The following NBEA variants were observed in gnomAD, a reference collection of about 807,000 sequenced individuals.
NBEA encodes the protein neurobeachin, also known as lysosomal-trafficking regulator 2.
A neutral mutation model predicts 343.4 loss-of-function variants in NBEA; 44 were observed. The observed-to-expected ratio is 0.13, with a 90% CI of 0.10 to 0.16. NBEA has a LOEUF of 0.16. Among genes scored for constraint, NBEA ranks in the 10% least tolerant of loss-of-function variants. The pLI is 1.00. For missense variants in NBEA, 2,555 were observed against 3,631.3 expected (o/e 0.70, Z 7.62); for synonymous variants, 1,175 against 1,238.7 (o/e 0.95, Z 1.08).
intron 24 of NBEA, among the ~76,000 whole-genome samples, chr13:35,165,707 C>A (rs2069963156): frequency 7.2e-6 from 1 of 139,654 alleles, no homozygotes; most frequent in Non-Finnish European, 1.5e-5. Context: ...TTTTTTTTGA[C>A]AGAGTATCAT....
At chr13:35,467,245 G>A (rs766886462) in intron 40 of NBEA, among the ~76,000 whole-genome samples, 5 of 152,074 alleles carry the variant, frequency 3.3e-5, no homozygotes, top group Non-Finnish European at 5.9e-5. Flanking sequence ...AGGCCAAGGC[G>A]GGCGGATCAC....
At chr13:35,499,892 A>G (rs1208968034) in intron 41 of NBEA, among the ~76,000 whole-genome samples, 1 of 152,108 alleles carries the variant, frequency 6.6e-6, no homozygotes, top group Non-Finnish European at 1.5e-5. Flanking sequence ...ATTGTTGAGC[A>G]GAGAGCCTGA....
At chr13:34,970,757 A>G (rs905892167) in intron 1 of NBEA, among the ~76,000 whole-genome samples, 1 of 152,090 alleles carries the variant, frequency 6.6e-6, no homozygotes, top group East Asian at 1.9e-4. Context: ...TGCCAACACC[A>G]TGCTGTTTTG....
chr13:35,308,962 TTAC>T (rs1433289995), intron 35 of NBEA, among the ~76,000 whole-genome samples: 1 of 151,296 alleles, frequency 6.6e-6, no homozygotes, highest in East Asian at 1.9e-4. Flanking sequence ...AGCCATAGGT[TTAC>T]TACTTTTTTT....
chr13:35,593,320 T>A lies in NBEA; in HGVS notation c.7177-8T>A. 6.2e-7 allele frequency: 1 copy of A among 1,611,360 alleles called. No individual in the cohort carries two copies. Among genetic ancestry groups the A allele is most frequent in the Non-Finnish European group, 8.5e-7 (1 of 1,178,536 alleles). ...TGGTCAAATTTCTGATTCTGTTTTTTTGCTTAGGAACCTTTCACAACCTTC... is the reference window on the plus strand; with the variant it reads ...TGGTCAAATTTCTGATTCTGTTTTTATGCTTAGGAACCTTTCACAACCTTC... On this transcript the variant is annotated splice_region_variant and splice_polypyrimidine_tract_variant and intron_variant, in intron 46 of 58. Transcript: ENST00000379939.
chr13:35,528,188 A>C (rs2078075849), intron 41 of NBEA, among the ~76,000 whole-genome samples: 5 of 152,180 alleles, frequency 3.3e-5, no homozygotes, highest in Admixed American at 3.3e-4. Flanking sequence ...CATTATGATG[A>C]CATTTAATAG....
chr13:35,158,620 T>C (rs2069346635), intron 21 of NBEA, among the ~76,000 whole-genome samples: 1 of 152,138 alleles, frequency 6.6e-6, no homozygotes, highest in Non-Finnish European at 1.5e-5. Context: ...GAGCAATAGA[T>C]GGTGAAAACC....
intron 45 of NBEA, among the ~76,000 whole-genome samples, chr13:35,572,953 T>C (rs1322306665): frequency 6.6e-6 from 1 of 152,166 alleles, no homozygotes; most frequent in Non-Finnish European, 1.5e-5. Context: ...ATATGAAGTA[T>C]GGGCAAAACT....
intron 41 of NBEA, among the ~76,000 whole-genome samples, chr13:35,479,481 A>T (rs1303822409): frequency 1.3e-5 from 2 of 152,062 alleles, no homozygotes; most frequent in African/African-American, 2.4e-5. Flanking sequence ...CATCCCCGAA[A>T]TTTTTTTATG....
At chr13:35,639,978 A>C (rs2083865510) in intron 49 of NBEA, among the ~76,000 whole-genome samples, 1 of 149,588 alleles carries the variant, frequency 6.7e-6, no homozygotes, top group Non-Finnish European at 1.5e-5. Flanking sequence ...AAAAAAAAGC[A>C]GTTGTAATCA....
intron 55 of NBEA, 88 bp from the exon 56 acceptor site, chr13:35,664,997 T>A (rs2085281338): frequency 1.2e-6 from 1 of 852,924 alleles, no homozygotes. Flanking sequence ...TTAATAAACA[T>A]GGGTATTTTT....
At chr13:35,060,120 T>A (rs1190061011) in intron 8 of NBEA, among the ~76,000 whole-genome samples, 2 of 151,846 alleles carry the variant, frequency 1.3e-5, no homozygotes, top group Non-Finnish European at 2.9e-5. Flanking sequence ...CATAAAATAC[T>A]TGCAGTGTCT....
intron 39 of NBEA, among the ~76,000 whole-genome samples, chr13:35,437,908 G>A (rs540208348): frequency 1.3e-5 from 2 of 152,200 alleles, no homozygotes; most frequent in South Asian, 2.1e-4. Flanking sequence ...TGTAGTTGTC[G>A]AAGAATGGTA....
At chr13:35,345,541 T>C (rs922892232) in intron 36 of NBEA, among the ~76,000 whole-genome samples, 14 of 152,060 alleles carry the variant, frequency 9.2e-5, no homozygotes, top group Non-Finnish European at 2.1e-4. Context: ...AAAAGAAATA[T>C]AGATTTTATC....
At chr13:35,522,882 G>A (rs757949122) in intron 41 of NBEA, among the ~76,000 whole-genome samples, 6 of 142,714 alleles carry the variant, frequency 4.2e-5, no homozygotes, top group South Asian at 2.3e-4. Context: ...ATTGTCTTCC[G>A]TGGAACGGGT....
intron 43 of NBEA, among the ~76,000 whole-genome samples, chr13:35,553,262 T>C (rs2079428085): frequency 6.6e-6 from 1 of 152,170 alleles, no homozygotes; most frequent in Non-Finnish European, 1.5e-5. Flanking sequence ...CTGTAATTCA[T>C]AATGCCATTC....
chr13:34,965,515 T>C (rs2059792720), intron 1 of NBEA, among the ~76,000 whole-genome samples: 1 of 151,972 alleles, frequency 6.6e-6, no homozygotes. Flanking sequence ...ACTGGTGGAG[T>C]GAGGGCATTC....
chr13:35,181,871 A>G (rs1417313230), intron 28 of NBEA, among the ~76,000 whole-genome samples: 1 of 151,432 alleles, frequency 6.6e-6, no homozygotes. Context: ...CTGCTCCCCC[A>G]TTGTTTATTT....
chr13:35,353,364 G>A (rs2040303056), intron 38 of NBEA, among the ~76,000 whole-genome samples: 1 of 152,070 alleles, frequency 6.6e-6, no homozygotes, highest in Non-Finnish European at 1.5e-5. Flanking sequence ...GAACCCAGGA[G>A]GCAGAGGTTG....
Sources: allele counts gnomAD v4.1 joint callset (sites outside exome capture counted in the v4.1 genomes callset), GRCh38; gene constraint gnomAD v4.1.1; transcripts MANE v1.5; gene names NCBI Gene and HGNC (gene_info 2026-07-23, HGNC 2026-07-21).